The following CNOT8 variants were observed in gnomAD, a reference collection of about 807,000 sequenced individuals.
The protein encoded by CNOT8 is CCR4-NOT transcription complex subunit 8, also known as CAF1-like protein.
CNOT8 carries 18 observed loss-of-function variants against 34.6 expected under a neutral mutation model. The ratio of observed to expected loss-of-function variants is 0.52; its 90% confidence interval spans 0.36 to 0.77. The LOEUF (loss-of-function observed/expected upper bound fraction) is 0.77, where lower values mean the gene tolerates loss of function less well. Among genes scored for constraint, CNOT8 ranks in the 30% least tolerant of loss-of-function variants. The pLI, the probability that CNOT8 is intolerant of heterozygous loss-of-function variation, is 0.00. For synonymous variants in CNOT8, 101 were observed against 118.8 expected (o/e 0.85, Z 0.98); for missense variants, 189 against 347.9 (o/e 0.54, Z 3.63).
At chr5:154,872,202 A>G (rs1434220361) in intron 5 of CNOT8, among the ~76,000 whole-genome samples, 1 of 152,202 alleles carries the variant, frequency 6.6e-6, no homozygotes, top group Admixed American at 6.5e-5. Flanking sequence ...AACTCTAGAA[A>G]GTTTTAGAAC....
chr5:154,863,912 A>G (rs765229331), intron 2 of CNOT8, among the ~76,000 whole-genome samples: 8 of 152,180 alleles, frequency 5.3e-5, no homozygotes, highest in Admixed American at 2.0e-4. Flanking sequence ...TTAAAAGTCA[A>G]TAGAACTCAC....
At chr5:154,866,986 T>A (rs1056870229) in intron 3 of CNOT8, among the ~76,000 whole-genome samples, 3 of 152,116 alleles carry the variant, frequency 2.0e-5, no homozygotes, top group Non-Finnish European at 4.4e-5. Context: ...AAAAAAATGT[T>A]TATTTAAGTG....
intron 1 of CNOT8, among the ~76,000 whole-genome samples, chr5:154,861,670 G>GT (rs1761353944): frequency 6.6e-6 from 1 of 152,194 alleles, no homozygotes; most frequent in Non-Finnish European, 1.5e-5. Flanking sequence ...TGCCTTAGAA[G>GT]TAAGTGCCTT....
intron 6 of CNOT8, among the ~76,000 whole-genome samples, chr5:154,873,570 C>T (rs1388030422): frequency 1.3e-5 from 2 of 152,112 alleles, no homozygotes; most frequent in Non-Finnish European, 1.5e-5. Flanking sequence ...CTCACTGACT[C>T]AGGTTTTAAA....
In CNOT8 at chr5:154,875,638, T is replaced by A; in HGVS notation, c.*199T>A. Reference sequence around the variant, plus strand: ...CAGAAGAGAGGAGTTTGCTCTGAATTTGTAAATAAGTCTTCCCCATTCCTC... The same window carrying A: ...CAGAAGAGAGGAGTTTGCTCTGAATATGTAAATAAGTCTTCCCCATTCCTC... On this transcript the variant is annotated 3_prime_UTR_variant, in exon 7 of 7. Transcript: ENST00000285896. 1 of 582,580 alleles carries A rather than the reference T, an allele frequency of 1.7e-6. No homozygotes were observed. The highest frequency in any genetic ancestry group is 1.9e-5 in the African/African-American group (1 of 53,036). The allele number at this position is 582,580 out of a possible 1,614,324, so 36.1% of individuals were successfully genotyped here.
intron 6 of CNOT8, 71 bp from the exon 7 acceptor site, chr5:154,875,219 A>T: frequency 6.5e-7 from 1 of 1,537,560 alleles, no homozygotes; most frequent in Non-Finnish European, 8.9e-7. Flanking sequence ...ACCCGGCCAG[A>T]TGTGATAATA....
Position 154,876,485 on chromosome 5 carries a change from C to G in CNOT8, c.*1046C>G, listed in dbSNP as rs182564808. 1 of 152,394 alleles carries G rather than the reference C, an allele frequency of 6.6e-6. No individual in the cohort carries two copies. The highest frequency in any genetic ancestry group is 2.4e-5 in the African/African-American group (1 of 41,580). 9.4% of individuals were successfully genotyped at this position (152,394 alleles called of 1,614,324 possible). A position where few individuals can be genotyped will look rare whatever the true frequency, so the allele number is the denominator to read the frequency against. On this transcript the variant is annotated 3_prime_UTR_variant, in exon 7 of 7. Transcript: ENST00000285896. ...TTCTTGAGTTGTTTTGGAGTAATAT[C>G]CCACAACTGGGGTAGGAAGCTCAGG...
rs1477248145 is a variant in CNOT8 at position 154,862,612 on chromosome 5, G to C, written c.-72-595G>C. Among the ~76,000 whole-genome samples the C allele has an allele frequency of 3.9e-5, 6 of 152,306 alleles. No homozygotes were observed. The South Asian group carries it at 1.0e-3, about 26-fold the overall frequency. ...CACAAATCTAAAGAGGCACTGGTATGTCTAAAGAGGCACTGGTATTGTTTA... is the reference window on the plus strand; with the variant it reads ...CACAAATCTAAAGAGGCACTGGTATCTCTAAAGAGGCACTGGTATTGTTTA... On this transcript the variant is annotated intron_variant, in intron 1 of 6. Coordinates refer to ENST00000285896, the MANE Select transcript of CNOT8 (RefSeq NM_001301073.2).
At chr5:154,859,587 A>T (rs1292045806) in intron 1 of CNOT8, 2 of 152,238 alleles carry the variant, frequency 1.3e-5, no homozygotes, top group African/African-American at 2.4e-5. Flanking sequence ...TATGCACGGC[A>T]AAGCCTTTGT....
Position 154,865,386 on chromosome 5 carries a change from G to T in CNOT8, c.311+1G>T. The T allele has an allele frequency of 1.3e-6, 2 of 1,576,624 alleles. No homozygotes were observed. The highest frequency in any genetic ancestry group is 1.7e-6 in the Non-Finnish European group (2 of 1,165,334). ...AGTTCAATTTCAAATTTAACCTTAC[G>T]TAAGTGATTTCTAAATAAATGCGTT... On this transcript the variant is annotated splice_donor_variant, in intron 3 of 6. Transcript: ENST00000285896. LOFTEE classifies it high-confidence loss of function.
intron 1 of CNOT8, among the ~76,000 whole-genome samples, chr5:154,862,989 A>T (rs865967604): frequency 7.9e-5 from 12 of 152,162 alleles, no homozygotes; most frequent in Admixed American, 3.3e-4. Context: ...AAGTTTCAAT[A>T]ACTTCAGTTT....
At chr5:154,872,795 G>C in intron 6 of CNOT8, 144 bp downstream of exon 6, 2 of 329,072 alleles carry the variant, frequency 6.1e-6, no homozygotes, top group East Asian at 4.9e-5. Flanking sequence ...TTGAGATGAA[G>C]CCTTGCTCTG....
intron 4 of CNOT8, among the ~76,000 whole-genome samples, chr5:154,871,444 AG>A (rs1379925919): frequency 6.6e-6 from 1 of 151,606 alleles, no homozygotes; most frequent in African/African-American, 2.4e-5. Context: ...CTGTAATCCC[AG>A]CTACTTGGGA....
At chr5:154,870,600 G>A (rs1762398893) in intron 3 of CNOT8, 61 bp from the exon 4 acceptor site, 2 of 1,317,078 alleles carry the variant, frequency 1.5e-6, no homozygotes, top group East Asian at 4.7e-5. Context: ...GGTGGTAATA[G>A]TGTGGCCACT....
At chr5:154,869,453 T>C (rs1202105702) in intron 3 of CNOT8, among the ~76,000 whole-genome samples, 3 of 148,658 alleles carry the variant, frequency 2.0e-5, no homozygotes, top group African/African-American at 5.0e-5. Context: ...TTAAGTTTAT[T>C]TATTTTTTTG....
intron 3 of CNOT8, chr5:154,867,866 G>T (rs1011090771): frequency 1.9e-5 from 3 of 160,150 alleles, no homozygotes; most frequent in Non-Finnish European, 4.1e-5. Flanking sequence ...TCTGTACAAA[G>T]AAGCTAGATT....
Position 154,872,645 on chromosome 5 carries a change from G to C in CNOT8, c.723G>C (p.Met241Ile). 6.2e-7 allele frequency: 1 copy of C among 1,607,288 alleles called. No homozygotes were observed. The highest frequency in any genetic ancestry group is 8.5e-7 in the Non-Finnish European group (1 of 1,174,596). Residue 241 changes from methionine to isoleucine, a missense_variant, in exon 6 of 7, where the codon ATG (methionine) becomes ATC (isoleucine). By Grantham distance (10) the Met-to-Ile change is conservative. Around this residue, in one of 2 missense-constraint regions of CNOT8, gnomAD observed 160 missense variants for 321.9 expected, o/e 0.50. Coordinates refer to ENST00000285896, the MANE Select transcript of CNOT8 (RefSeq NM_001301073.2). ...SLLTGMAFFR[M>I]KELFFEDSID... is the part of the protein sequence containing the mutation. ...TGACAGGAATGGCTTTCTTTAGGAT[G>C]AAAGAGGTAAGCTTCCTTGAATGTG...
chr5:154,874,815 GA>G (rs1172571203), intron 6 of CNOT8, among the ~76,000 whole-genome samples: 2 of 152,056 alleles, frequency 1.3e-5, no homozygotes, highest in Non-Finnish European at 2.9e-5. Flanking sequence ...TTACAGGCGT[GA>G]GCCACTGTGC....
chr5:154,862,062 G>T (rs370184820), intron 1 of CNOT8, among the ~76,000 whole-genome samples: 2 of 152,222 alleles, frequency 1.3e-5, no homozygotes, highest in East Asian at 1.9e-4. Flanking sequence ...ATTCGTCAGA[G>T]ACCCAATCAT....
Sources: gnomAD v4.1 joint callset for allele counts (sites outside exome capture counted in the v4.1 genomes callset) on GRCh38, gnomAD v4.1.1 for gene constraint, gnomAD v4.1.1 regional missense constraint, MANE v1.5 for transcripts, NCBI Gene and HGNC (gene_info 2026-07-23, HGNC 2026-07-21) for gene names.